CTNNA1: variants seen among roughly 807,000 people sequenced by gnomAD.
The protein encoded by CTNNA1 is catenin alpha-1.
A neutral mutation model predicts 98.4 loss-of-function variants in CTNNA1; 37 were observed. The ratio of observed to expected loss-of-function variants is 0.38; its 90% CI spans 0.29 to 0.49. The LOEUF is 0.49. Among genes scored for constraint, CTNNA1 ranks in the 20% least tolerant of loss-of-function variants. The probability of loss-of-function intolerance (pLI) is 0.95; values close to 1 mark genes in which losing one functional copy is unlikely to be tolerated. For synonymous variants in CTNNA1, 404 were observed against 413.2 expected (o/e 0.98, Z 0.27); for missense variants, 761 against 1,147.2 (o/e 0.66, Z 4.86).
intron 7 of CTNNA1, among the ~76,000 whole-genome samples, chr5:138,856,975 A>G (rs191855407): frequency 1.8e-3 from 267 of 152,326 alleles, no homozygotes; most frequent in African/African-American, 5.1e-3. Context: ...TCTTTAGTAC[A>G]TTCTGGTGAA....
At chr5:138,803,202 G>A (rs1343339014) in intron 3 of CTNNA1, among the ~76,000 whole-genome samples, 1 of 150,970 alleles carries the variant, frequency 6.6e-6, no homozygotes, top group Non-Finnish European at 1.5e-5. Context: ...CCCATGCGCT[G>A]GAGTGCAGTG....
chr5:138,915,295 T>C (rs1319425299), intron 10 of CTNNA1, among the ~76,000 whole-genome samples: 1 of 152,228 alleles, frequency 6.6e-6, no homozygotes, highest in Non-Finnish European at 1.5e-5. Context: ...AGGATCTGAA[T>C]AGACATCTCT....
At chr5:138,892,336 T>G (rs1174097279) in intron 9 of CTNNA1, among the ~76,000 whole-genome samples, 1 of 69,752 alleles carries the variant, frequency 1.4e-5, no homozygotes, top group Non-Finnish European at 3.5e-5. Flanking sequence ...TAGTTTTTTT[T>G]TTTTTTTTTT....
intron 7 of CTNNA1, among the ~76,000 whole-genome samples, chr5:138,845,125 T>G (rs1762597049): frequency 6.6e-6 from 1 of 152,236 alleles, no homozygotes; most frequent in African/African-American, 2.4e-5. Flanking sequence ...TATTGTTATT[T>G]TTGTGTCATA....
At chr5:138,835,459 C>G (rs1761691099) in intron 7 of CTNNA1, among the ~76,000 whole-genome samples, 2 of 152,044 alleles carry the variant, frequency 1.3e-5, no homozygotes, top group South Asian at 4.1e-4. Flanking sequence ...GTCCATAGTT[C>G]TGTAGAGGCA....
At chr5:138,866,271 C>CTTAT (rs1554092181) in intron 7 of CTNNA1, among the ~76,000 whole-genome samples, 1 of 126,112 alleles carries the variant, frequency 7.9e-6, no homozygotes, top group Non-Finnish European at 1.7e-5. Context: ...TCTGTTGTAA[C>CTTAT]TCATTTATTT....
chr5:138,781,338 CAGG>C (rs1755082076), intron 1 of CTNNA1, among the ~76,000 whole-genome samples: 1 of 152,082 alleles, frequency 6.6e-6, no homozygotes, highest in Non-Finnish European at 1.5e-5. Flanking sequence ...ATCATGAGGT[CAGG>C]AGATCGAGAC....
chr5:138,812,995 A>G (rs1759000447), intron 5 of CTNNA1, among the ~76,000 whole-genome samples: 1 of 152,234 alleles, frequency 6.6e-6, no homozygotes, highest in Non-Finnish European at 1.5e-5. Context: ...ACAAGCCCCA[A>G]GAAGAATAGT....
At chr5:138,851,904 C>G (rs1422416970) in intron 7 of CTNNA1, among the ~76,000 whole-genome samples, 1 of 151,620 alleles carries the variant, frequency 6.6e-6, no homozygotes, top group African/African-American at 2.4e-5. Flanking sequence ...AAAATACAAA[C>G]AAAACAAAAC....
intron 3 of CTNNA1, among the ~76,000 whole-genome samples, chr5:138,806,230 G>A (rs779317635): frequency 2.0e-5 from 3 of 152,000 alleles, no homozygotes; most frequent in Middle Eastern, 3.2e-3. Flanking sequence ...CATTTGTTTT[G>A]GTTGACCAGT....
intron 3 of CTNNA1, among the ~76,000 whole-genome samples, chr5:138,794,446 C>T (rs1157864349): frequency 6.6e-6 from 1 of 152,188 alleles, no homozygotes; most frequent in African/African-American, 2.4e-5. Flanking sequence ...TCTGTACTTA[C>T]AGGGATATCA....
rs757576182 is a variant in CTNNA1 at position 138,824,760 on chromosome 5, A to T, written c.819A>T (p.Gly273=). The change falls in exon 6 of 18, where the codon GGA becomes GGT. Residue 273 remains glycine, a synonymous_variant. Transcript: ENST00000302763. ...ACGATGCCTCACAGCACCAGGGTGG[A>T]GGAGGAGGAGAACTGGCATATGCAC... ...ASDDASQHQG[G]GGGELAYALN... The T allele has an allele frequency of 4.6e-5, 75 of 1,613,374 alleles. No homozygotes were observed. The highest frequency in any genetic ancestry group is 6.2e-5 in the Non-Finnish European group (73 of 1,179,384).
At chr5:138,851,659 T>C (rs538028058) in intron 7 of CTNNA1, among the ~76,000 whole-genome samples, 113 of 152,156 alleles carry the variant, frequency 7.4e-4, no homozygotes, top group African/African-American at 2.7e-3. Context: ...CTTGGGAGGC[T>C]AAGGCTGGAG....
rs566835904 is a variant in CTNNA1, at chr5:138,906,718, T to C, written c.1389+2277T>C. On this transcript the variant is annotated intron_variant, in intron 10 of 17. Transcript: ENST00000302763. ...CTACTAAAACAGATTTCAAGAGGAA[T>C]AGGCTTTAGGCAGACAGTGCCCAGA... 2.0e-5 allele frequency among the ~76,000 whole-genome samples: 3 copies of C among 152,330 alleles called. No individual in the cohort carries two copies. In the East Asian group the frequency reaches 5.8e-4, roughly 29 times the overall value.
At chr5:138,881,520 TCCC>T (rs1297815665) in intron 7 of CTNNA1, among the ~76,000 whole-genome samples, 1 of 152,222 alleles carries the variant, frequency 6.6e-6, no homozygotes, top group African/African-American at 2.4e-5. Flanking sequence ...GCTGCTAGTT[TCCC>T]TTAGTTTTCA....
intron 1 of CTNNA1, among the ~76,000 whole-genome samples, chr5:138,759,147 G>A (rs116628070): frequency 6.6e-6 from 1 of 151,976 alleles, no homozygotes; most frequent in African/African-American, 2.4e-5. Flanking sequence ...CTTTTAATGG[G>A]TCATACTTTC....
Position 138,886,206 on chromosome 5 carries a change from A to G in CTNNA1, c.1063-6A>G, listed in dbSNP as rs1439283481. The G allele has an allele frequency of 6.2e-7, 1 of 1,607,042 alleles. No individual in the cohort carries two copies. Among genetic ancestry groups the G allele is most frequent in the South Asian group, 1.1e-5 (1 of 89,582 alleles). On this transcript the variant is annotated splice_polypyrimidine_tract_variant and splice_region_variant and intron_variant, in intron 7 of 17. Transcript: ENST00000302763. ...TAAAATGCTCATCTCTTTTCCTTTT[A>G]TCCAGGCTGGACGTAAAGAAAGAAG...
chr5:138,851,032 C>A (rs1763137692), intron 7 of CTNNA1, among the ~76,000 whole-genome samples: 1 of 152,170 alleles, frequency 6.6e-6, no homozygotes, highest in Non-Finnish European at 1.5e-5. Context: ...ATTCAGTAAA[C>A]AAACAAAAGG....
At chr5:138,845,087 G>A (rs1485948827) in intron 7 of CTNNA1, among the ~76,000 whole-genome samples, 1 of 152,140 alleles carries the variant, frequency 6.6e-6, no homozygotes, top group African/African-American at 2.4e-5. Context: ...GAGCAATACG[G>A]GGCTTGTGGA....
Sources: allele counts gnomAD v4.1 joint callset (sites outside exome capture counted in the v4.1 genomes callset), GRCh38; gene constraint gnomAD v4.1.1; transcripts MANE v1.5; gene names NCBI Gene and HGNC (gene_info 2026-07-23, HGNC 2026-07-21).